Variants in CCBE1 observed in about 807,000 individuals in gnomAD.
CCBE1 encodes the protein collagen and calcium-binding EGF domain-containing protein 1.
In CCBE1, 37 loss-of-function variants were observed where a neutral mutation model predicts 50.0. The observed-to-expected ratio is 0.74, with a 90% CI of 0.57 to 0.97. The LOEUF (loss-of-function observed/expected upper bound fraction) is 0.97, where lower values mean the gene tolerates loss of function less well. Ranked by LOEUF, CCBE1 falls within the 50% of genes least tolerant of loss-of-function variation. CCBE1 has a pLI of 0.00. For missense variants in CCBE1, 538 were observed against 523.8 expected, an observed-to-expected ratio of 1.03 and a Z score of -0.26; for synonymous variants, 234 against 203.7, an observed-to-expected ratio of 1.15 and a Z score of -1.27.
Position 59,520,053 on chromosome 18 carries a change from C to T in CCBE1, c.213-39815G>A, listed in dbSNP as rs1355278185. Among the ~76,000 whole-genome samples, 6 of 152,270 alleles carry T rather than the reference C, an allele frequency of 3.9e-5. No homozygotes were observed. In the South Asian group the frequency reaches 1.2e-3, roughly 32 times the overall value. ...CTATATATCTGTTTTGGTACCAGTA[C>T]CATGCTGTTTTGGTTACTGTAGCCT... On this transcript the variant is annotated intron_variant, in intron 2 of 10. Transcript: ENST00000439986.
chr18:59,438,227 A>G, intron 9 of CCBE1, 81 bp from the exon 10 acceptor site: 1 of 1,214,206 alleles, frequency 8.2e-7, no homozygotes, highest in Non-Finnish European at 1.2e-6. Flanking sequence ...ACCCACCATA[A>G]CCACTTCCCT....
intron 2 of CCBE1, among the ~76,000 whole-genome samples, chr18:59,491,820 A>AAAC (rs1913111352): frequency 4.0e-5 from 4 of 100,118 alleles, no homozygotes; most frequent in African/African-American, 1.5e-4. Flanking sequence ...GTCTCCAAAC[A>AAAC]AACAAACAAA....
At chr18:59,608,309 C>A (rs1437452718) in intron 2 of CCBE1, among the ~76,000 whole-genome samples, 2 of 152,198 alleles carry the variant, frequency 1.3e-5, no homozygotes, top group East Asian at 3.8e-4. Flanking sequence ...GTACTCCTTA[C>A]AGGTCAACAC....
intron 2 of CCBE1, among the ~76,000 whole-genome samples, chr18:59,537,791 A>G (rs1476345281): frequency 6.6e-6 from 1 of 152,166 alleles, no homozygotes. Context: ...TCAAACTTGA[A>G]TGCGTGATAT....
intron 5 of CCBE1, among the ~76,000 whole-genome samples, chr18:59,464,657 C>T (rs34946159): frequency 0.022 from 3,336 of 152,294 alleles, 145 homozygotes; most frequent in East Asian, 0.21. Context: ...CATTTACTTC[C>T]GACATATGGC....
At chr18:59,662,220 T>A (rs1408731914) in intron 2 of CCBE1, among the ~76,000 whole-genome samples, 1 of 152,232 alleles carries the variant, frequency 6.6e-6, no homozygotes, top group Non-Finnish European at 1.5e-5. Flanking sequence ...GTATGACAGC[T>A]GACACCAGAA....
At chr18:59,663,694 G>A (rs2054315932) in intron 2 of CCBE1, among the ~76,000 whole-genome samples, 1 of 152,160 alleles carries the variant, frequency 6.6e-6, no homozygotes, top group South Asian at 2.1e-4. Flanking sequence ...TTCAGAGGCT[G>A]AGACCAGAGG....
At chr18:59,619,909 G>A (rs545014261) in intron 2 of CCBE1, among the ~76,000 whole-genome samples, 6 of 152,218 alleles carry the variant, frequency 3.9e-5, no homozygotes, top group Admixed American at 3.9e-4. Flanking sequence ...GAAGAAAAGG[G>A]ACCTCAATTC....
chr18:59,542,090 C>T (rs1360180171), intron 2 of CCBE1, among the ~76,000 whole-genome samples: 1 of 151,356 alleles, frequency 6.6e-6, no homozygotes, highest in Non-Finnish European at 1.5e-5. Context: ...GGGAGGATCA[C>T]CTGAGCCCAG....
chr18:59,576,329 C>T (rs879700458), intron 2 of CCBE1, among the ~76,000 whole-genome samples: 1 of 152,188 alleles, frequency 6.6e-6, no homozygotes, highest in Non-Finnish European at 1.5e-5. Context: ...TGAAATTGAA[C>T]TTCATAAGAG....
intron 2 of CCBE1, among the ~76,000 whole-genome samples, chr18:59,507,503 GT>G (rs1236387642): frequency 6.6e-6 from 1 of 152,158 alleles, no homozygotes; most frequent in East Asian, 1.9e-4. Context: ...GTTCTTCCTT[GT>G]CAGATCCGCC....
At chr18:59,599,725 A>G (rs75087579) in intron 2 of CCBE1, among the ~76,000 whole-genome samples, 3 of 152,306 alleles carry the variant, frequency 2.0e-5, no homozygotes, top group East Asian at 1.9e-4. Flanking sequence ...CACAGGAGCA[A>G]TAATTCCTAC....
chr18:59,514,389 C>T (rs905422876), intron 2 of CCBE1, among the ~76,000 whole-genome samples: 2 of 152,048 alleles, frequency 1.3e-5, no homozygotes, highest in East Asian at 1.9e-4. Context: ...ATTTTGAGAG[C>T]GGCTGTCACT....
intron 2 of CCBE1, among the ~76,000 whole-genome samples, chr18:59,514,344 G>A (rs934391334): frequency 6.6e-6 from 1 of 151,870 alleles, no homozygotes; most frequent in Non-Finnish European, 1.5e-5. Flanking sequence ...CCCTGACACG[G>A]CTCCTCCATC....
chr18:59,564,955 C>T (rs28452862), intron 2 of CCBE1, among the ~76,000 whole-genome samples: 7,548 of 152,254 alleles, frequency 0.05, 476 homozygotes, highest in African/African-American at 0.15. Context: ...CAGCTAAAAC[C>T]CATAAACATG....
intron 2 of CCBE1, among the ~76,000 whole-genome samples, chr18:59,500,607 C>T (rs1299538645): frequency 6.6e-6 from 1 of 152,168 alleles, no homozygotes; most frequent in Non-Finnish European, 1.5e-5. Flanking sequence ...TCTGCCTAGA[C>T]CCACAGTTTG....
chr18:59,459,408 A>G (rs1911356120), intron 5 of CCBE1, among the ~76,000 whole-genome samples: 1 of 152,220 alleles, frequency 6.6e-6, no homozygotes, highest in South Asian at 2.1e-4. Flanking sequence ...GTTTACTTAG[A>G]AATTGGGGTA....
At chr18:59,635,025 C>A (rs1447829412) in intron 2 of CCBE1, among the ~76,000 whole-genome samples, 1 of 152,174 alleles carries the variant, frequency 6.6e-6, no homozygotes, top group Non-Finnish European at 1.5e-5. Context: ...CATAAATCTT[C>A]AGATTCTGAG....
chr18:59,467,179 C>T (rs1911791989), intron 4 of CCBE1, among the ~76,000 whole-genome samples: 1 of 152,208 alleles, frequency 6.6e-6, no homozygotes, highest in Non-Finnish European at 1.5e-5. Flanking sequence ...AGAGATCTCA[C>T]TTACAGAACA....
Sources: allele counts gnomAD v4.1 joint callset (sites outside exome capture counted in the v4.1 genomes callset), GRCh38; gene constraint gnomAD v4.1.1; transcripts MANE v1.5; gene names NCBI Gene and HGNC (gene_info 2026-07-23, HGNC 2026-07-21).